Variants in HMCN1 observed in about 807,000 individuals in gnomAD.
HMCN1 encodes hemicentin 1.
In HMCN1, 321 loss-of-function variants were observed where a neutral mutation model predicts 625.9. The ratio of observed to expected loss-of-function variants is 0.51; its 90% CI spans 0.47 to 0.56. HMCN1 has a LOEUF of 0.56. HMCN1 is among the 20% of genes least tolerant of loss of function. The pLI is 0.00. For synonymous variants in HMCN1, 2,425 were observed against 2,417.6 expected (o/e 1.00, Z -0.09); for missense variants, 6,588 against 6,887.3 (o/e 0.96, Z 1.54).
chr1:186,176,811 A>T (rs534239155), intron 103 of HMCN1: 1 of 152,496 alleles, frequency 6.6e-6, no homozygotes, highest in Admixed American at 6.5e-5. Context: ...TAAAACATAA[A>T]AGAGAGACCC....
intron 36 of HMCN1, among the ~76,000 whole-genome samples, chr1:186,030,995 C>T (rs532492964): frequency 1.3e-5 from 2 of 152,056 alleles, no homozygotes; most frequent in South Asian, 4.1e-4. Flanking sequence ...GTGCCCATTA[C>T]TGCTTTATAT....
intron 2 of HMCN1, among the ~76,000 whole-genome samples, chr1:185,846,880 A>G (rs1472454748): frequency 6.6e-6 from 1 of 152,120 alleles, no homozygotes; most frequent in East Asian, 1.9e-4. Flanking sequence ...GTTATCTTCA[A>G]TGACCTTTTC....
At chr1:185,773,736 G>A (rs1279319010) in intron 1 of HMCN1, among the ~76,000 whole-genome samples, 1 of 152,100 alleles carries the variant, frequency 6.6e-6, no homozygotes, top group Non-Finnish European at 1.5e-5. Context: ...TGAATTGCTT[G>A]TGAATGATTC....
At chr1:185,782,731 G>C (rs1657229362) in intron 1 of HMCN1, among the ~76,000 whole-genome samples, 1 of 152,178 alleles carries the variant, frequency 6.6e-6, no homozygotes, top group Non-Finnish European at 1.5e-5. Context: ...AGTCTGATGG[G>C]CTTCCCTTTG....
rs1659826194 is a variant in HMCN1, at chr1:186,091,218, A to C, written c.9887+301A>C. On this transcript the variant is annotated intron_variant, in intron 64 of 106. Transcript: ENST00000271588. ...AACTGTTGGTGATTTTATTCTTGTA[A>C]TTTCAGAATGATTATGCTAAAGCCC... 1.3e-5 allele frequency among the ~76,000 whole-genome samples: 2 copies of C among 151,952 alleles called. 1 individual carries two copies. The highest frequency in any genetic ancestry group is 4.1e-4 in the South Asian group (2 of 4,830).
intron 102 of HMCN1, among the ~76,000 whole-genome samples, chr1:186,173,083 T>C (rs946231783): frequency 2.0e-5 from 3 of 152,210 alleles, no homozygotes; most frequent in African/African-American, 4.8e-5. Flanking sequence ...TTGACAGCTA[T>C]CTAACCTTGG....
At chr1:185,798,618 C>A (rs1658565888) in intron 1 of HMCN1, among the ~76,000 whole-genome samples, 1 of 151,956 alleles carries the variant, frequency 6.6e-6, no homozygotes, top group African/African-American at 2.4e-5. Flanking sequence ...TTCAAAAGAC[C>A]TGCCTTCAGA....
intron 39 of HMCN1, 72 bp from the exon 40 acceptor site, chr1:186,040,940 AT>A (rs1019732049): frequency 8.4e-6 from 13 of 1,553,152 alleles, no homozygotes; most frequent in African/African-American, 2.7e-5. Context: ...CCTCAAAAAA[AT>A]AAGAGAAAAA....
chr1:186,003,924 CTTAA>C (rs1471682178), intron 29 of HMCN1, 80 bp downstream of exon 29: 2 of 1,351,868 alleles, frequency 1.5e-6, no homozygotes, highest in Non-Finnish European at 2.1e-6. Flanking sequence ...TTTTCTCCCT[CTTAA>C]TTATTTTATT....
At chr1:185,777,739 C>T (rs1191130960) in intron 1 of HMCN1, among the ~76,000 whole-genome samples, 1 of 152,248 alleles carries the variant, frequency 6.6e-6, no homozygotes, top group Non-Finnish European at 1.5e-5. Context: ...GCCACTGCAC[C>T]TGGCCCACTG....
At chr1:185,822,595 G>A (rs567578061) in intron 1 of HMCN1, among the ~76,000 whole-genome samples, 9 of 152,126 alleles carry the variant, frequency 5.9e-5, no homozygotes, top group Non-Finnish European at 8.8e-5. Flanking sequence ...TTCTAAGAGC[G>A]CATTCTGGCT....
chr1:185,913,085 A>G (rs1012639810), intron 6 of HMCN1, among the ~76,000 whole-genome samples: 1 of 152,124 alleles, frequency 6.6e-6, no homozygotes, highest in Admixed American at 6.6e-5. Flanking sequence ...TTGTAACTCC[A>G]TTCAAATCCT....
chr1:185,941,170 A>G (rs2102511374), intron 11 of HMCN1, among the ~76,000 whole-genome samples: 1 of 152,248 alleles, frequency 6.6e-6, no homozygotes. Flanking sequence ...AATACTTTTT[A>G]AAGAGTATGA....
intron 11 of HMCN1, among the ~76,000 whole-genome samples, chr1:185,947,698 T>C (rs183131257): frequency 6.6e-6 from 1 of 152,334 alleles, no homozygotes; most frequent in Non-Finnish European, 1.5e-5. Context: ...TTGATTGGTT[T>C]TAGTTTTCAT....
In HMCN1 at chr1:186,046,694, G is replaced by T. The variant is rs150003862; in HGVS notation, c.6480+831G>T. ...GTGTTGAAAGACTAGTGTTTTAACG[G>T]TAGATGAGATAAAAAGCAAGGGAAG... is the stretch of plus-strand genomic sequence containing the variant. On this transcript the variant is annotated intron_variant, in intron 41 of 106. Coordinates refer to ENST00000271588, the MANE Select transcript of HMCN1 (RefSeq NM_031935.3). Among the ~76,000 whole-genome samples, 10 of 152,208 alleles carry T rather than the reference G, an allele frequency of 6.6e-5. No homozygotes were observed. The East Asian group carries it at 1.9e-3, about 30-fold the overall frequency.
intron 29 of HMCN1, among the ~76,000 whole-genome samples, chr1:186,006,535 A>G (rs2102091663): frequency 6.6e-6 from 1 of 152,196 alleles, no homozygotes; most frequent in East Asian, 1.9e-4. Flanking sequence ...CTTGACAATC[A>G]TATACGAGCT....
intron 1 of HMCN1, among the ~76,000 whole-genome samples, chr1:185,759,355 T>A (rs6676937): frequency 0.056 from 8,596 of 152,244 alleles, 729 homozygotes; most frequent in African/African-American, 0.19. Context: ...CGGGGACATT[T>A]TCATGAACTG....
chr1:185,933,426 TCTGTTGCA>T, intron 10 of HMCN1, 115 bp from the exon 11 acceptor site: 1 of 910,692 alleles, frequency 1.1e-6, no homozygotes, highest in Non-Finnish European at 1.8e-6. Flanking sequence ...TTGAGTAAGT[TCTGTTGCA>T]CTGCATCTTT....
At chr1:186,106,190 T>C (rs937582092) in intron 69 of HMCN1, among the ~76,000 whole-genome samples, 3 of 152,310 alleles carry the variant, frequency 2.0e-5, no homozygotes, top group Admixed American at 6.5e-5. Flanking sequence ...TTTTTCGCAG[T>C]AGTAAGAGCA....
Sources: allele counts gnomAD v4.1 joint callset (sites outside exome capture counted in the v4.1 genomes callset), GRCh38; gene constraint gnomAD v4.1.1; transcripts MANE v1.5; gene names NCBI Gene and HGNC (gene_info 2026-07-23, HGNC 2026-07-21).